NDC1: variants seen among roughly 807,000 people sequenced by gnomAD.
NDC1 encodes the protein nucleoporin NDC1.
NDC1 carries 24 observed loss-of-function variants against 89.8 expected under a neutral mutation model. The observed-to-expected ratio is 0.27, with a 90% confidence interval of 0.19 to 0.38. The LOEUF (loss-of-function observed/expected upper bound fraction) is 0.38, where lower values mean the gene tolerates loss of function less well. Among genes scored for constraint, NDC1 ranks in the 10% least tolerant of loss-of-function variants. The pLI is 1.00. For missense variants in NDC1, 728 were observed against 797.6 expected (o/e 0.91, Z 1.05); for synonymous variants, 296 against 284.8 (o/e 1.04, Z -0.39).
intron 17 of NDC1, among the ~76,000 whole-genome samples, chr1:53,769,436 T>C (rs893353009): frequency 2.6e-5 from 4 of 152,206 alleles, no homozygotes; most frequent in Non-Finnish European, 5.9e-5. Context: ...AAAGTAACTA[T>C]GTGAGATGAC....
chr1:53,781,396 T>C (rs1458362622), intron 16 of NDC1, among the ~76,000 whole-genome samples: 2 of 152,160 alleles, frequency 1.3e-5, no homozygotes, highest in African/African-American at 4.8e-5. Context: ...GTTGGAGAAA[T>C]GGTAATCATT....
intron 17 of NDC1, among the ~76,000 whole-genome samples, chr1:53,769,596 T>C (rs1647095708): frequency 6.6e-6 from 1 of 152,236 alleles, no homozygotes; most frequent in African/African-American, 2.4e-5. Flanking sequence ...GTGGGCTGTG[T>C]TTGTTAGTTG....
intron 10 of NDC1, among the ~76,000 whole-genome samples, chr1:53,801,081 A>G (rs1361098020): frequency 3.4e-5 from 5 of 148,814 alleles, no homozygotes; most frequent in Non-Finnish European, 5.9e-5. Context: ...ATTTTACCAC[A>G]CACATACCAA....
chr1:53,789,448 T>C (rs556614664), intron 14 of NDC1, among the ~76,000 whole-genome samples: 2 of 152,356 alleles, frequency 1.3e-5, no homozygotes, highest in East Asian at 3.9e-4. Flanking sequence ...AATTTAAAGT[T>C]ACATATACTC....
At chr1:53,826,416 C>T (rs1452194885) in intron 4 of NDC1, among the ~76,000 whole-genome samples, 2 of 152,102 alleles carry the variant, frequency 1.3e-5, no homozygotes, top group African/African-American at 4.8e-5. Context: ...TGTCCGATAC[C>T]GATTTTTTTT....
Position 53,800,744 on chromosome 1 carries a change from C to T in NDC1, c.1171G>A (p.Gly391Arg), listed in dbSNP as rs905804282. Residue 391 changes from glycine (G) to arginine (R), a missense_variant, in exon 11 of 18, where the codon GGG (glycine) becomes AGG (arginine). Transcript: ENST00000371429. ...ACTGGGTAAGATGAAGACACTCTCC[C>T]ATTCGTAGCAGCAGCTTCTTGATAG... ...ILYQEAAATN[G>R]RVSSSYPVEP... is the part of the protein sequence containing the mutation. 6.2e-6 allele frequency: 10 copies of T among 1,613,982 alleles called. No homozygotes were observed. The highest frequency in any genetic ancestry group is 8.5e-6 in the Non-Finnish European group (10 of 1,179,994).
intron 9 of NDC1, among the ~76,000 whole-genome samples, chr1:53,805,234 A>G (rs1403271720): frequency 1.3e-5 from 2 of 152,146 alleles, no homozygotes; most frequent in Admixed American, 6.5e-5. Context: ...CACCCAGGCT[A>G]AAGTGCAGTG....
At chr1:53,815,908 T>G (rs961712055) in intron 6 of NDC1, among the ~76,000 whole-genome samples, 1 of 151,978 alleles carries the variant, frequency 6.6e-6, no homozygotes, top group African/African-American at 2.4e-5. Flanking sequence ...AGTCGAAAGA[T>G]CTCTACAAGG....
Position 53,822,334 on chromosome 1 carries a change from C to CA in NDC1, c.595-3256dup, listed in dbSNP as rs530046591. 1.1e-4 allele frequency among the ~76,000 whole-genome samples: 16 copies of CA among 150,406 alleles called. No individual in the cohort carries two copies. In the South Asian group the frequency reaches 3.2e-3, roughly 30 times the overall value. ...GGGCGACAAGAGCAAAACTCCGTCT[C>CA]AAAAAAAAGCCTCAAATTTTCATAA... is the stretch of plus-strand genomic sequence containing the variant. On this transcript the variant is annotated intron_variant, in intron 5 of 17. Coordinates refer to ENST00000371429, the MANE Select transcript of NDC1 (RefSeq NM_018087.5).
chr1:53,807,598 A>G (rs1648153966), intron 8 of NDC1, 58 bp downstream of exon 8: 1 of 1,478,812 alleles, frequency 6.8e-7, no homozygotes, highest in African/African-American at 1.4e-5. Context: ...TCTGCTAAAA[A>G]TCAACTGTGC....
intron 16 of NDC1, among the ~76,000 whole-genome samples, chr1:53,786,228 C>T (rs1474469085): frequency 6.6e-6 from 1 of 152,028 alleles, no homozygotes; most frequent in Non-Finnish European, 1.5e-5. Context: ...ACCCGGCCTC[C>T]AGATGCCATC....
rs1466402132 is a variant in NDC1, at chr1:53,825,153, A to ACCACGCCACTGCACTC, written c.594+644_594+645insGAGTGCAGTGGCGTGG. On this transcript the variant is annotated intron_variant, in intron 5 of 17. Coordinates refer to ENST00000371429, the MANE Select transcript of NDC1 (RefSeq NM_018087.5). ...ACGCCACTGCACTCCAGCCTGGGTGACAGAGTGAGACTCTGTCTCAAAAAA... is the reference window on the plus strand; with the variant it reads ...ACGCCACTGCACTCCAGCCTGGGTGACCACGCCACTGCACTCCAGAGTGAGACTCTGTCTCAAAAAA... Among the ~76,000 whole-genome samples, 185 of 152,126 alleles carry ACCACGCCACTGCACTC rather than the reference A, an allele frequency of 1.2e-3. 3 individuals carry two copies. Among genetic ancestry groups the ACCACGCCACTGCACTC allele is most frequent in the Admixed American group, 0.012 (180 of 15,286 alleles).
At chr1:53,769,496 CCATAA>C (rs1362299723) in intron 17 of NDC1, among the ~76,000 whole-genome samples, 2 of 152,106 alleles carry the variant, frequency 1.3e-5, no homozygotes, top group African/African-American at 2.4e-5. Flanking sequence ...TATATAAATC[CCATAA>C]CATATGTTAT....
At position 53,807,800 on chromosome 1, in the gene NDC1, G is replaced by A. The variant is rs1348580983; in HGVS notation, c.756-9C>T. On this transcript the variant is annotated splice_polypyrimidine_tract_variant and intron_variant, in intron 7 of 17. Coordinates refer to ENST00000371429, the MANE Select transcript of NDC1 (RefSeq NM_018087.5). ...GTGGCCTATGAACCTGCCTGTGAAT[G>A]CAGAAATTACTATTAATCCTCTAGG... is the stretch of plus-strand genomic sequence containing the variant. 6.3e-7 allele frequency: 1 copy of A among 1,589,366 alleles called. No homozygotes were observed. The highest frequency in any genetic ancestry group is 1.2e-5 in the South Asian group (1 of 85,982).
chr1:53,771,145 G>A, intron 17 of NDC1: 1 of 194,034 alleles, frequency 5.2e-6, no homozygotes, highest in Non-Finnish European at 1.1e-5. Context: ...AAGGTCTACG[G>A]GTATGCCCTT....
intron 6 of NDC1, among the ~76,000 whole-genome samples, chr1:53,818,374 G>A (rs896378280): frequency 2.6e-5 from 4 of 151,892 alleles, no homozygotes; most frequent in Non-Finnish European, 5.9e-5. Context: ...CCAAGAGGCG[G>A]AGGTTGCAGT....
chr1:53,801,321 C>T (rs1303646014), intron 10 of NDC1, among the ~76,000 whole-genome samples: 2 of 152,156 alleles, frequency 1.3e-5, no homozygotes, highest in African/African-American at 4.8e-5. Context: ...GGCTTCCTTA[C>T]ATTTTCATGT....
rs770362226 is a variant in NDC1 at position 53,835,625 on chromosome 1, AAAC to A, written c.58-8_58-6del. The A allele has an allele frequency of 5.6e-6, 9 of 1,598,536 alleles. No individual in the cohort carries two copies. Among genetic ancestry groups the A allele is most frequent in the Non-Finnish European group, 7.7e-6 (9 of 1,176,100 alleles). On this transcript the variant is annotated splice_region_variant and splice_polypyrimidine_tract_variant and intron_variant, in intron 1 of 17. Coordinates refer to ENST00000371429, the MANE Select transcript of NDC1 (RefSeq NM_018087.5). ...AACTATCCTCCAGCCCAAAACCTAT[AAAC>A]AAAAAGAAAAACCCTCACTCATGAA... is the stretch of plus-strand genomic sequence containing the variant.
chr1:53,832,574 A>C lies in NDC1; in HGVS notation c.196T>G (p.Tyr66Asp), dbSNP rs1557592091. 1 of 1,573,880 alleles carries C rather than the reference A, an allele frequency of 6.4e-7. No individual in the cohort carries two copies. The highest frequency in any genetic ancestry group is 8.7e-7 in the Non-Finnish European group (1 of 1,144,420). The stretch of plus-strand genomic sequence containing the variant: ...AAGTAAAAGATTACATAGGAACTAT[A>C]CAGGTCACTGAAAGAATCTAAAACA... ...QWLSDSFSDL[Y>D]SSYVIFYFLL... The change falls in exon 3 of 18, where the codon TAT (tyrosine) becomes GAT (aspartate). Residue 66 changes from tyrosine to aspartate, a missense_variant. Tyr to Asp is a radical substitution (Grantham distance 160). Transcript: ENST00000371429.
Sources: gnomAD v4.1 joint callset for allele counts (sites outside exome capture counted in the v4.1 genomes callset) on GRCh38, gnomAD v4.1.1 for gene constraint, MANE v1.5 for transcripts, NCBI Gene and HGNC (gene_info 2026-07-23, HGNC 2026-07-21) for gene names.